AP3S2: variants seen among roughly 807,000 people sequenced by gnomAD.
AP3S2 encodes AP-3 complex subunit sigma-2.
A neutral mutation model predicts 23.4 loss-of-function variants in AP3S2; 22 were observed. That is an observed-to-expected ratio of 0.94 (90% confidence interval 0.67 to 1.34). The LOEUF (loss-of-function observed/expected upper bound fraction) is 1.34, where lower values mean the gene tolerates loss of function less well. Among genes scored for constraint, AP3S2 ranks in the 40% most tolerant of loss-of-function variants. AP3S2 has a pLI of 0.00. For missense variants in AP3S2, 241 were observed against 236.9 expected, an observed-to-expected ratio of 1.02 and a Z score of -0.11; for synonymous variants, 86 against 87.1, an observed-to-expected ratio of 0.99 and a Z score of 0.07.
intron 4 of AP3S2, among the ~76,000 whole-genome samples, chr15:89,844,555 C>T (rs902820005): frequency 6.6e-6 from 1 of 151,552 alleles, no homozygotes; most frequent in East Asian, 1.9e-4. Context: ...TGCTATATTG[C>T]TCAGGCTGGT....
At chr15:89,858,429 G>A (rs573945712) in intron 4 of AP3S2, among the ~76,000 whole-genome samples, 8 of 149,806 alleles carry the variant, frequency 5.3e-5, no homozygotes, top group Non-Finnish European at 8.9e-5. Flanking sequence ...CAACAAGAGC[G>A]AAACTCCATC....
At position 89,831,305 on chromosome 15, in the gene AP3S2, T is replaced by C. The variant is rs1396306207; in HGVS notation, c.*4210A>G. The C allele has an allele frequency of 1.3e-5, 2 of 152,152 alleles. No homozygotes were observed. The highest frequency in any genetic ancestry group is 4.8e-5 in the African/African-American group (2 of 41,422). 9.4% of individuals were successfully genotyped at this position (152,152 alleles called of 1,614,324 possible). The stretch of plus-strand genomic sequence containing the variant: ...CACCAGCCTGCAAGCACGGACCCCG[T>C]GCTGGTGTGTGAGTGCAGCACACAC... On this transcript the variant is annotated 3_prime_UTR_variant, in exon 6 of 6. Transcript: ENST00000336418.
At chr15:89,844,713 A>G (rs1263043218) in intron 4 of AP3S2, among the ~76,000 whole-genome samples, 2 of 152,014 alleles carry the variant, frequency 1.3e-5, no homozygotes, top group Non-Finnish European at 2.9e-5. Flanking sequence ...CCCAGAATGC[A>G]TCATCTACAA....
intron 3 of AP3S2, among the ~76,000 whole-genome samples, chr15:89,886,064 T>G (rs1001365645): frequency 2.0e-5 from 3 of 151,212 alleles, no homozygotes; most frequent in African/African-American, 7.3e-5. Context: ...AATTATAAAG[T>G]TAGAGGCCGG....
At chr15:89,872,909 T>C (rs1180607417) in intron 3 of AP3S2, among the ~76,000 whole-genome samples, 1 of 152,250 alleles carries the variant, frequency 6.6e-6, no homozygotes, top group Non-Finnish European at 1.5e-5. Context: ...TTTTGCCAGA[T>C]ACCAACCATT....
chr15:89,880,143 CA>C (rs774385490), intron 3 of AP3S2, among the ~76,000 whole-genome samples: 3 of 149,412 alleles, frequency 2.0e-5, no homozygotes, highest in East Asian at 2.0e-4. Flanking sequence ...ACTCTGTCTC[CA>C]AAAAATAAAA....
intron 4 of AP3S2, among the ~76,000 whole-genome samples, chr15:89,847,109 G>A (rs1290262353): frequency 6.6e-6 from 1 of 152,102 alleles, no homozygotes; most frequent in Admixed American, 6.5e-5. Context: ...AGGCATAGCA[G>A]CTCATGCCTG....
chr15:89,842,873 AG>A (rs1490821822), intron 4 of AP3S2, among the ~76,000 whole-genome samples: 4 of 152,232 alleles, frequency 2.6e-5, no homozygotes, highest in Admixed American at 2.6e-4. Context: ...GGCCTCCCAA[AG>A]TGCTGGGATT....
intron 4 of AP3S2, among the ~76,000 whole-genome samples, chr15:89,858,405 C>T (rs1208552947): frequency 6.6e-6 from 1 of 151,182 alleles, no homozygotes; most frequent in Non-Finnish European, 1.5e-5. Context: ...CACGTCATTG[C>T]ACTCCAACCT....
At chr15:89,844,654 G>T (rs895031690) in intron 4 of AP3S2, among the ~76,000 whole-genome samples, 4 of 151,734 alleles carry the variant, frequency 2.6e-5, no homozygotes, top group Non-Finnish European at 5.9e-5. Flanking sequence ...CAACCTAGAA[G>T]GATCTCTTCT....
intron 4 of AP3S2, among the ~76,000 whole-genome samples, chr15:89,849,518 C>A (rs1029195871): frequency 1.3e-5 from 2 of 151,990 alleles, no homozygotes; most frequent in African/African-American, 4.8e-5. Context: ...AGGCGCCCAC[C>A]ACCACGCCCG....
At chr15:89,844,824 T>C (rs1895446757) in intron 4 of AP3S2, among the ~76,000 whole-genome samples, 1 of 152,192 alleles carries the variant, frequency 6.6e-6, no homozygotes, top group Admixed American at 6.5e-5. Context: ...CATAGTTATC[T>C]TGCCCAAACC....
chr15:89,837,126 A>C (rs1298593425), intron 5 of AP3S2, among the ~76,000 whole-genome samples: 1 of 152,170 alleles, frequency 6.6e-6, no homozygotes, highest in African/African-American at 2.4e-5. Context: ...AGCCTAGCCC[A>C]AACTCTACTG....
intron 4 of AP3S2, among the ~76,000 whole-genome samples, chr15:89,838,863 G>C (rs1895258430): frequency 6.6e-6 from 1 of 152,140 alleles, no homozygotes; most frequent in African/African-American, 2.4e-5. Context: ...TGTATGGGCA[G>C]GTATGGGGAG....
At chr15:89,867,053 C>T (rs1433533494) in intron 4 of AP3S2, among the ~76,000 whole-genome samples, 1 of 140,372 alleles carries the variant, frequency 7.1e-6, no homozygotes, top group Non-Finnish European at 1.5e-5. Context: ...CCTCTCCCCA[C>T]GGTCTCCCTC....
intron 4 of AP3S2, among the ~76,000 whole-genome samples, chr15:89,870,891 G>A (rs1185512533): frequency 1.3e-5 from 2 of 152,180 alleles, no homozygotes; most frequent in Admixed American, 6.5e-5. Context: ...AGTTTAATTT[G>A]GCATATGAGG....
intron 3 of AP3S2, chr15:89,878,269 G>C: frequency 1.5e-6 from 1 of 660,100 alleles, no homozygotes; most frequent in Non-Finnish European, 2.7e-6. Context: ...TCATACCTTG[G>C]GAGCTATGAA....
intron 4 of AP3S2, among the ~76,000 whole-genome samples, chr15:89,867,909 C>A (rs771605964): frequency 7.8e-6 from 1 of 128,752 alleles, no homozygotes; most frequent in African/African-American, 2.7e-5. Flanking sequence ...CCACCCCGTC[C>A]GGGAGGGAGG....
chr15:89,853,517 A>T (rs537964187), intron 4 of AP3S2, among the ~76,000 whole-genome samples: 2 of 152,254 alleles, frequency 1.3e-5, no homozygotes, highest in African/African-American at 2.4e-5. Flanking sequence ...TAAAGAATCA[A>T]TGAGGGCTGC....
Sources: gnomAD v4.1 joint callset for allele counts (sites outside exome capture counted in the v4.1 genomes callset) on GRCh38, gnomAD v4.1.1 for gene constraint, MANE v1.5 for transcripts, NCBI Gene and HGNC (gene_info 2026-07-23, HGNC 2026-07-21) for gene names.